Variants in BPTF observed in about 807,000 individuals in gnomAD.
BPTF encodes bromodomain PHD finger transcription factor.
A neutral mutation model predicts 292.5 loss-of-function variants in BPTF; 18 were observed. That is an observed-to-expected ratio of 0.06 (90% CI 0.04 to 0.09). The LOEUF (loss-of-function observed/expected upper bound fraction) is 0.09. BPTF is among the 10% of genes least tolerant of loss of function. The pLI, the probability that BPTF is intolerant of heterozygous loss-of-function variation, is 1.00. For synonymous variants in BPTF, 1,225 were observed against 1,251.9 expected, an observed-to-expected ratio of 0.98 and a Z score of 0.45; for missense variants, 2,726 against 3,498.7, an observed-to-expected ratio of 0.78 and a Z score of 5.57.
chr17:67,904,021 A>C, intron 8 of BPTF, 103 bp downstream of exon 8: 1 of 1,003,784 alleles, frequency 1.0e-6, no homozygotes, highest in Admixed American at 2.8e-5. Context: ...TAGTCTTTGT[A>C]TTTTATTTAT....
intron 11 of BPTF, among the ~76,000 whole-genome samples, chr17:67,917,130 CCTT>C (rs2063065712): frequency 1.1e-5 from 1 of 94,224 alleles, no homozygotes; most frequent in Non-Finnish European, 1.9e-5. Context: ...ATGGTATTGT[CCTT>C]TTTTTTTTTT....
rs771305882 is a variant in BPTF, at chr17:67,893,660, G to C, written c.2346G>C (p.Leu782=). ...TTCTTACCATATCTACTCTGAGACT[G>C]ACTATCACCCAATTAGAAAACAACA... ...SKVLTISTLR[L]TITQLENNIP... Residue 782 remains leucine, a synonymous_variant, in exon 6 of 28, where the codon CTG becomes CTC. Transcript: ENST00000306378. 8 of 1,612,104 alleles carry C rather than the reference G, an allele frequency of 5.0e-6. No individual in the cohort carries two copies. Among genetic ancestry groups the C allele is most frequent in the Non-Finnish European group, 5.9e-6 (7 of 1,178,538 alleles).
intron 7 of BPTF, among the ~76,000 whole-genome samples, chr17:67,902,776 T>C (rs902285943): frequency 5.3e-5 from 8 of 152,154 alleles, no homozygotes; most frequent in African/African-American, 1.4e-4. Flanking sequence ...CCCTCCCACA[T>C]CTTTTCGGCA....
chr17:67,983,417 G>A lies in BPTF; in HGVS notation c.*1129G>A, dbSNP rs1394863810. On this transcript the variant is annotated 3_prime_UTR_variant, in exon 28 of 28. Coordinates refer to ENST00000306378, the MANE Select transcript of BPTF (RefSeq NM_182641.4). The stretch of plus-strand genomic sequence containing the variant: ...CACATTGCCTTCATCTGTACATTCT[G>A]TGATACCAGGCAAATTACCAATTAC... The A allele has an allele frequency of 3.9e-5, 6 of 152,586 alleles. No homozygotes were observed. The highest frequency in any genetic ancestry group is 3.3e-4 in the Admixed American group (5 of 15,252). 9.5% of individuals were successfully genotyped at this position (152,586 alleles called of 1,614,324 possible).
intron 4 of BPTF, among the ~76,000 whole-genome samples, chr17:67,880,275 C>G (rs1567966369): frequency 6.6e-6 from 1 of 152,034 alleles, no homozygotes; most frequent in Non-Finnish European, 1.5e-5. Flanking sequence ...ATGTTTTTCT[C>G]CAAATTAATT....
At chr17:67,977,202 T>C (rs2069595902) in intron 27 of BPTF, among the ~76,000 whole-genome samples, 1 of 152,130 alleles carries the variant, frequency 6.6e-6, no homozygotes, top group South Asian at 2.1e-4. Flanking sequence ...CATCCTTTCT[T>C]GGCAGGTATT....
intron 23 of BPTF, among the ~76,000 whole-genome samples, chr17:67,952,974 T>C (rs1555679108): frequency 6.6e-6 from 1 of 152,204 alleles, no homozygotes; most frequent in Non-Finnish European, 1.5e-5. Flanking sequence ...TTTACTTTTT[T>C]TTTCGAGATA....
At chr17:67,961,366 G>T (rs1219126481) in intron 24 of BPTF, among the ~76,000 whole-genome samples, 1 of 152,148 alleles carries the variant, frequency 6.6e-6, no homozygotes, top group African/African-American at 2.4e-5. Context: ...GTGTTTCTAA[G>T]GAGTGTTTCG....
chr17:67,854,318 G>A lies in BPTF; in HGVS notation c.992G>A (p.Arg331Gln). Residue 331 changes from arginine to glutamine, a missense_variant, in exon 2 of 28, where the codon CGG (arginine) becomes CAG (glutamine). Arg to Gln is a conservative substitution (Grantham distance 43). Coordinates refer to ENST00000306378, the MANE Select transcript of BPTF (RefSeq NM_182641.4). This position sits in a 1 kb window ranked among gnomAD's most constrained non-coding sequence, Gnocchi z 5.6. Reference protein sequence around the residue: ...IDGMTWPEVLRVYCESDKEYH... With the variant: ...IDGMTWPEVLQVYCESDKEYH... ...GGGATGACGTGGCCAGAGGTGCTGCGGGTGTACTGTGAGAGTGATAAGGAG... is the reference window on the plus strand; with the variant it reads ...GGGATGACGTGGCCAGAGGTGCTGCAGGTGTACTGTGAGAGTGATAAGGAG... 5 of 1,614,166 alleles carry A rather than the reference G, an allele frequency of 3.1e-6. No individual in the cohort carries two copies. Among genetic ancestry groups the A allele is most frequent in the Non-Finnish European group, 4.2e-6 (5 of 1,180,024 alleles).
chr17:67,975,664 C>G, intron 26 of BPTF, 108 bp from the exon 27 acceptor site: 2 of 961,410 alleles, frequency 2.1e-6, no homozygotes, highest in South Asian at 1.9e-5. Flanking sequence ...CAGCCTGGCT[C>G]CAGGACTGCT....
At chr17:67,835,281 A>T (rs2057035671) in intron 1 of BPTF, among the ~76,000 whole-genome samples, 2 of 152,180 alleles carry the variant, frequency 1.3e-5, no homozygotes, top group South Asian at 4.1e-4. Context: ...TGTTCATTTC[A>T]AGTGCTCTAT....
chr17:67,945,393 T>C lies in BPTF; in HGVS notation c.6701-16T>C. The stretch of plus-strand genomic sequence containing the variant: ...GTTCCAGAGTAATAGAAATGGTTCA[T>C]CTTTCCTTTTTACAGGTACAGGTGA... On this transcript the variant is annotated splice_polypyrimidine_tract_variant and intron_variant, in intron 20 of 27. Coordinates refer to ENST00000306378, the MANE Select transcript of BPTF (RefSeq NM_182641.4). 1 of 1,596,336 alleles carries C rather than the reference T, an allele frequency of 6.3e-7. No homozygotes were observed. The highest frequency in any genetic ancestry group is 8.5e-7 in the Non-Finnish European group (1 of 1,171,018).
At chr17:67,900,769 A>T (rs576417488) in intron 7 of BPTF, among the ~76,000 whole-genome samples, 13 of 152,156 alleles carry the variant, frequency 8.5e-5, no homozygotes, top group African/African-American at 3.1e-4. Context: ...CAACACTTTG[A>T]GAGGTTGAGG....
At chr17:67,872,121 C>T (rs541256388) in intron 3 of BPTF, among the ~76,000 whole-genome samples, 1 of 152,230 alleles carries the variant, frequency 6.6e-6, no homozygotes, top group Admixed American at 6.5e-5. Context: ...CCACTGCGCC[C>T]AGCCCTGTTT....
At chr17:67,887,451 T>C (rs2060820618) in intron 4 of BPTF, among the ~76,000 whole-genome samples, 1 of 152,190 alleles carries the variant, frequency 6.6e-6, no homozygotes, top group African/African-American at 2.4e-5. Flanking sequence ...TCAATCTTTT[T>C]CTTTAGAGTT....
intron 4 of BPTF, among the ~76,000 whole-genome samples, chr17:67,887,359 A>G (rs1306379903): frequency 6.6e-6 from 1 of 152,088 alleles, no homozygotes; most frequent in Non-Finnish European, 1.5e-5. Flanking sequence ...CTTCAATTTT[A>G]CGTATATTTG....
intron 11 of BPTF, among the ~76,000 whole-genome samples, chr17:67,917,406 A>C (rs929317837): frequency 6.6e-6 from 1 of 151,990 alleles, no homozygotes; most frequent in Admixed American, 6.6e-5. Context: ...TACAGGTGTG[A>C]GCCACTGCGC....
Position 67,944,429 on chromosome 17 carries a change from AAC to A in BPTF, c.6700+59_6700+60del. The A allele has an allele frequency of 3.2e-6, 5 of 1,553,586 alleles. No homozygotes were observed. The East Asian group carries it at 9.0e-5, about 28-fold the overall frequency. On this transcript the variant is annotated intron_variant, in intron 20 of 27. Coordinates refer to ENST00000306378, the MANE Select transcript of BPTF (RefSeq NM_182641.4). ...TGTTACTACTACACGTGGCTGGGCTAACAGAGGCCAACAGGAGAACCAGTATT... is the reference window on the plus strand; with the variant it reads ...TGTTACTACTACACGTGGCTGGGCTAAGAGGCCAACAGGAGAACCAGTATT...
intron 7 of BPTF, among the ~76,000 whole-genome samples, chr17:67,896,754 G>A (rs2061479999): frequency 6.6e-6 from 1 of 152,150 alleles, no homozygotes; most frequent in African/African-American, 2.4e-5. Context: ...TGATCTGGAT[G>A]TTCATGAAAG....
Sources: gnomAD v4.1 joint callset for allele counts (sites outside exome capture counted in the v4.1 genomes callset) on GRCh38, gnomAD v4.1.1 for gene constraint, Gnocchi (gnomAD v3.1) non-coding constraint, MANE v1.5 for transcripts, NCBI Gene and HGNC (gene_info 2026-07-23, HGNC 2026-07-21) for gene names.